Variants in ESRRG observed in about 807,000 individuals in gnomAD.
ESRRG encodes estrogen-related receptor gamma.
Under a neutral mutation model 44.0 loss-of-function variants are expected in ESRRG, and 13 were observed. That is an observed-to-expected ratio of 0.30 (90% CI 0.19 to 0.47). The LOEUF (loss-of-function observed/expected upper bound fraction) is 0.47, where lower values mean the gene tolerates loss of function less well. Among genes scored for constraint, ESRRG ranks in the 20% least tolerant of loss-of-function variants. ESRRG has a pLI of 1.00. For missense variants in ESRRG, 395 were observed against 580.6 expected, an observed-to-expected ratio of 0.68 and a Z score of 3.29; for synonymous variants, 215 against 214.6, an observed-to-expected ratio of 1.00 and a Z score of -0.02.
chr1:217,122,061 A>G (rs1471843655), intron 1 of ESRRG, among the ~76,000 whole-genome samples: 1 of 152,226 alleles, frequency 6.6e-6, no homozygotes, highest in East Asian at 1.9e-4. Context: ...GGGAAGCAAT[A>G]TGGAGATAAA....
chr1:216,824,661 G>A (rs1258741211), intron 2 of ESRRG, among the ~76,000 whole-genome samples: 1 of 152,108 alleles, frequency 6.6e-6, no homozygotes, highest in Non-Finnish European at 1.5e-5. Flanking sequence ...GTCTTTCCTA[G>A]AGTTTATGAA....
At chr1:216,752,923 C>A (rs1167660322) in intron 2 of ESRRG, among the ~76,000 whole-genome samples, 1 of 151,954 alleles carries the variant, frequency 6.6e-6, no homozygotes, top group Non-Finnish European at 1.5e-5. Flanking sequence ...TAGAACAGAA[C>A]TGTTTCAAGA....
chr1:216,575,556 C>A (rs973956384), intron 3 of ESRRG, among the ~76,000 whole-genome samples: 1 of 152,076 alleles, frequency 6.6e-6, no homozygotes, highest in Non-Finnish European at 1.5e-5. Context: ...TGACTTAATG[C>A]ATATTAACAC....
intron 1 of ESRRG, among the ~76,000 whole-genome samples, chr1:216,965,685 A>G (rs1470440851): frequency 6.6e-6 from 1 of 152,170 alleles, no homozygotes. Flanking sequence ...AAGGGCAGCT[A>G]TATTAAAGGG....
intron 3 of ESRRG, among the ~76,000 whole-genome samples, chr1:216,613,724 T>C (rs2060991742): frequency 6.6e-6 from 1 of 152,246 alleles, no homozygotes; most frequent in Non-Finnish European, 1.5e-5. Context: ...CCATTCACAG[T>C]GGCAACATAA....
At chr1:216,846,313 C>A (rs919195411) in intron 2 of ESRRG, among the ~76,000 whole-genome samples, 1 of 152,040 alleles carries the variant, frequency 6.6e-6, no homozygotes, top group African/African-American at 2.4e-5. Context: ...GTTAACAATG[C>A]CCTATAAGAA....
At chr1:216,796,318 C>T (rs143268667) in intron 2 of ESRRG, among the ~76,000 whole-genome samples, 5 of 152,186 alleles carry the variant, frequency 3.3e-5, no homozygotes, top group Admixed American at 6.5e-5. Context: ...ATCTCCAAGG[C>T]GAACACTGGA....
intron 1 of ESRRG, among the ~76,000 whole-genome samples, chr1:216,994,475 A>G (rs2150558799): frequency 6.6e-6 from 1 of 152,320 alleles, no homozygotes; most frequent in South Asian, 2.1e-4. Context: ...ACACACACAC[A>G]CACACACACA....
chr1:216,791,043 TCTTTA>T (rs1188083871), intron 2 of ESRRG, among the ~76,000 whole-genome samples: 17 of 152,206 alleles, frequency 1.1e-4, no homozygotes, highest in African/African-American at 3.9e-4. Context: ...TCAAAAGCAT[TCTTTA>T]CTTAGATTAA....
chr1:216,961,976 T>C (rs958965469), intron 1 of ESRRG, among the ~76,000 whole-genome samples: 1 of 152,196 alleles, frequency 6.6e-6, no homozygotes, highest in African/African-American at 2.4e-5. Context: ...AGGATCATTA[T>C]TGCAATTATT....
chr1:216,718,527 G>C (rs757293590), intron 1 of ESRRG, among the ~76,000 whole-genome samples: 5 of 151,956 alleles, frequency 3.3e-5, no homozygotes, highest in Non-Finnish European at 7.4e-5. Flanking sequence ...GAGATGCTTG[G>C]TGTCATCCTT....
At chr1:216,963,830 G>A (rs572388939) in intron 1 of ESRRG, among the ~76,000 whole-genome samples, 5 of 152,168 alleles carry the variant, frequency 3.3e-5, no homozygotes, top group East Asian at 1.9e-4. Flanking sequence ...AAAGTGTCTC[G>A]GTCTAGTGGG....
chr1:216,637,448 A>G (rs2065512016), intron 3 of ESRRG, among the ~76,000 whole-genome samples: 1 of 152,234 alleles, frequency 6.6e-6, no homozygotes, highest in Non-Finnish European at 1.5e-5. Context: ...ATTCCCTAAA[A>G]TAAAGGTCTC....
At chr1:216,843,586 C>T (rs11117696) in intron 2 of ESRRG, among the ~76,000 whole-genome samples, 5,110 of 152,166 alleles carry the variant, frequency 0.034, 302 homozygotes, top group African/African-American at 0.11. Context: ...GGGACCAAGA[C>T]GCGGATCACA....
At chr1:216,549,736 T>C (rs1328861996) in intron 5 of ESRRG, among the ~76,000 whole-genome samples, 1 of 152,102 alleles carries the variant, frequency 6.6e-6, no homozygotes, top group African/African-American at 2.4e-5. Context: ...AGCTCTAAAA[T>C]GTGAAACTTA....
rs115746810 is a variant in ESRRG at position 216,888,709 on chromosome 1, C to A, written c.-14+50873G>T. On this transcript the variant is annotated intron_variant, in intron 2 of 7. Transcript: ENST00000359162. The stretch of plus-strand genomic sequence containing the variant: ...TAACACTTGCCCCTCAAAGGAACAG[C>A]CAATATCCCCAATGCCAAATGAGTG... Among the ~76,000 whole-genome samples, 1,224 of 152,170 alleles carry A rather than the reference C, an allele frequency of 8.0e-3. 18 individuals carry two copies. Among genetic ancestry groups the A allele is most frequent in the African/African-American group, 0.028 (1,157 of 41,512 alleles).
intron 2 of ESRRG, among the ~76,000 whole-genome samples, chr1:216,932,874 T>C (rs1578312976): frequency 6.6e-6 from 1 of 152,050 alleles, no homozygotes; most frequent in East Asian, 1.9e-4. Context: ...AGCCAATTTA[T>C]ATAATTTTTT....
intron 1 of ESRRG, among the ~76,000 whole-genome samples, chr1:216,721,661 C>T (rs2086311543): frequency 1.3e-5 from 2 of 152,146 alleles, no homozygotes; most frequent in South Asian, 4.1e-4. Flanking sequence ...AAAGAAGCCT[C>T]TGGGGGATTT....
chr1:216,921,323 T>C (rs1159778452), intron 2 of ESRRG, among the ~76,000 whole-genome samples: 8 of 152,156 alleles, frequency 5.3e-5, no homozygotes. Flanking sequence ...GCGCTCCCTC[T>C]GTGTTCCATC....
Sources: allele counts gnomAD v4.1 joint callset (sites outside exome capture counted in the v4.1 genomes callset), GRCh38; gene constraint gnomAD v4.1.1; transcripts MANE v1.5; gene names NCBI Gene and HGNC (gene_info 2026-07-23, HGNC 2026-07-21).